UIMC1: variants seen among roughly 807,000 people sequenced by gnomAD.
UIMC1 encodes the protein ubiquitin interaction motif containing 1, also known as BRCA1-A complex subunit RAP80.
Under a neutral mutation model 84.9 loss-of-function variants are expected in UIMC1, and 42 were observed. The observed-to-expected ratio is 0.49, with a 90% CI of 0.39 to 0.64. The LOEUF is 0.64. Ranked by LOEUF, UIMC1 falls within the 30% of genes least tolerant of loss-of-function variation. UIMC1 has a pLI of 0.00. For synonymous variants in UIMC1, 281 were observed against 293.0 expected (o/e 0.96, Z 0.42); for missense variants, 825 against 847.6 (o/e 0.97, Z 0.33).
intron 10 of UIMC1, among the ~76,000 whole-genome samples, chr5:176,914,054 T>TACCAC (rs1760648285): frequency 7.4e-6 from 1 of 134,808 alleles, no homozygotes; most frequent in South Asian, 2.5e-4. Flanking sequence ...TACCATACCA[T>TACCAC]ACCATACCAT....
intron 6 of UIMC1, among the ~76,000 whole-genome samples, chr5:176,966,302 G>C (rs1581569099): frequency 6.6e-6 from 1 of 152,218 alleles, no homozygotes; most frequent in East Asian, 1.9e-4. Flanking sequence ...GATAGGAATT[G>C]TTATTCCCAC....
chr5:176,958,855 T>C (rs1317825932), intron 6 of UIMC1, among the ~76,000 whole-genome samples: 2 of 152,242 alleles, frequency 1.3e-5, no homozygotes, highest in Admixed American at 1.3e-4. Flanking sequence ...ACCAACTCAT[T>C]AAACATACAT....
chr5:176,982,156 T>G (rs1771159235), intron 2 of UIMC1, among the ~76,000 whole-genome samples: 1 of 152,182 alleles, frequency 6.6e-6, no homozygotes, highest in African/African-American at 2.4e-5. Context: ...TTCACGTGTT[T>G]TTCCTCTCAC....
chr5:176,966,462 A>G (rs533450570), intron 6 of UIMC1, among the ~76,000 whole-genome samples: 3 of 152,358 alleles, frequency 2.0e-5, no homozygotes, highest in Admixed American at 2.0e-4. Context: ...AACCTTTATC[A>G]TAACACAAGA....
rs189805335 is a variant in UIMC1 at position 177,001,736 on chromosome 5, G to A, written c.-9+4914C>T. 7.9e-3 allele frequency among the ~76,000 whole-genome samples: 1,183 copies of A among 149,922 alleles called. 58 individuals carry two copies. Among genetic ancestry groups the A allele is most frequent in the Admixed American group, 0.072 (1,089 of 15,026 alleles). On this transcript the variant is annotated intron_variant, in intron 1 of 14. Transcript: ENST00000511320. The stretch of plus-strand genomic sequence containing the variant: ...GGGCGGATCACAAGGTCAGGAGATC[G>A]AGACCATCCTGGCTAACACAGTGAA...
At chr5:176,953,857 A>G (rs1466588618) in intron 8 of UIMC1, among the ~76,000 whole-genome samples, 1 of 152,172 alleles carries the variant, frequency 6.6e-6, no homozygotes, top group Non-Finnish European at 1.5e-5. Context: ...ATATGAAACA[A>G]AAGTAAACAG....
At chr5:176,965,999 C>G (rs1768235951) in intron 6 of UIMC1, among the ~76,000 whole-genome samples, 1 of 152,206 alleles carries the variant, frequency 6.6e-6, no homozygotes, top group Non-Finnish European at 1.5e-5. Flanking sequence ...TGTAACTTTC[C>G]TTTGGAAAAG....
rs754142916 is a variant in UIMC1, at chr5:176,911,381, G to A, written c.1606C>T (p.Arg536Trp). The change falls in exon 11 of 15, where the codon CGG becomes TGG. Residue 536 changes from arginine to tryptophan, a missense_variant. Transcript: ENST00000511320. Reference protein sequence around the residue: ...GLMEEDTVLTRRQKEAKTKSD... With the variant: ...GLMEEDTVLTWRQKEAKTKSD... The stretch of plus-strand genomic sequence containing the variant: ...TTGGTCTTGGCCTCTTTTTGTCTCC[G>A]AGTCAATACTTTTAATATAAAAAAT... The A allele has an allele frequency of 2.3e-5, 36 of 1,583,554 alleles. No individual in the cohort carries two copies. The African/African-American group carries it at 3.7e-4, about 16-fold the overall frequency.
chr5:176,957,391 G>A (rs1234629347), intron 7 of UIMC1, among the ~76,000 whole-genome samples: 1 of 152,062 alleles, frequency 6.6e-6, no homozygotes, highest in Non-Finnish European at 1.5e-5. Context: ...GAAAGTAACT[G>A]GAAGCATGAT....
intron 1 of UIMC1, among the ~76,000 whole-genome samples, chr5:177,001,786 A>C (rs1774509735): frequency 6.6e-6 from 1 of 151,502 alleles, no homozygotes; most frequent in Non-Finnish European, 1.5e-5. Context: ...AAAAAAAAAA[A>C]AAAAATACAA....
upstream of UIMC1, among the ~76,000 whole-genome samples, chr5:177,007,965 C>T (rs541573963): frequency 2.5e-4 from 38 of 152,010 alleles, no homozygotes; most frequent in African/African-American, 9.2e-4. Context: ...ATTAGCTTGG[C>T]GTGGTGGTAC....
intron 10 of UIMC1, among the ~76,000 whole-genome samples, chr5:176,939,256 C>CAAAAAAAAA (rs61615337): frequency 1.4e-5 from 1 of 71,882 alleles, no homozygotes. Context: ...GATCCTGTCT[C>CAAAAAAAAA]AAAAAAAAAA....
intron 1 of UIMC1, among the ~76,000 whole-genome samples, chr5:176,986,854 T>TA (rs1772100817): frequency 6.6e-6 from 1 of 152,074 alleles, no homozygotes; most frequent in Non-Finnish European, 1.5e-5. Flanking sequence ...ATACTCAACT[T>TA]AGAAGTAAAA....
At chr5:176,918,597 T>C (rs1345697550) in intron 10 of UIMC1, among the ~76,000 whole-genome samples, 1 of 152,196 alleles carries the variant, frequency 6.6e-6, no homozygotes, top group Non-Finnish European at 1.5e-5. Flanking sequence ...ATTTCAGGTG[T>C]CCATTCTCTG....
At chr5:177,009,191 G>A (rs754722798), upstream of UIMC1, among the ~76,000 whole-genome samples, 1 of 151,306 alleles carries the variant, frequency 6.6e-6, no homozygotes, top group African/African-American at 2.4e-5. The surrounding 1 kb of genome is among the most constrained non-coding windows in gnomAD (Gnocchi z 4.3). Flanking sequence ...TTGTTTTTTT[G>A]TGGAGACGGA....
chr5:176,985,472 AC>A (rs1249156510), intron 1 of UIMC1, among the ~76,000 whole-genome samples: 9 of 151,216 alleles, frequency 6.0e-5, no homozygotes, highest in Admixed American at 1.3e-4. Flanking sequence ...AAAAAAAAAA[AC>A]AACTATATAA....
At chr5:177,004,975 C>T (rs756165551) in intron 1 of UIMC1, among the ~76,000 whole-genome samples, 1 of 152,134 alleles carries the variant, frequency 6.6e-6, no homozygotes, top group Non-Finnish European at 1.5e-5. Flanking sequence ...CAATCAGCCT[C>T]GACCTGGTCC....
Position 176,969,275 on chromosome 5 carries a change from T to G in UIMC1, c.480A>C (p.Val160=). The stretch of plus-strand genomic sequence containing the variant: ...GTGAGCCTTTAAACAGTGATGGAGG[T>G]ACCAGCTGCCATATGCCTGTAGGTA... ...SGLTEGIWQL[V]PPSLFKGSHI... Residue 160 remains valine, a synonymous_variant, in exon 6 of 15, where the codon GTA becomes GTC. Transcript: ENST00000511320. 1 of 1,612,742 alleles carries G rather than the reference T, an allele frequency of 6.2e-7. No individual in the cohort carries two copies. Among genetic ancestry groups the G allele is most frequent in the Non-Finnish European group, 8.5e-7 (1 of 1,179,420 alleles).
chr5:176,970,726 A>G lies in UIMC1; in HGVS notation c.357+16T>C. 6.2e-7 allele frequency: 1 copy of G among 1,613,996 alleles called. No individual in the cohort carries two copies. The highest frequency in any genetic ancestry group is 8.5e-7 in the Non-Finnish European group (1 of 1,180,014). On this transcript the variant is annotated intron_variant, in intron 4 of 14. Transcript: ENST00000511320. ...CTGATCAATCTCCACAAACTTTTGC[A>G]ACATGGCATATTTACATTCAGGCTT...
Sources: gnomAD v4.1 joint callset for allele counts (sites outside exome capture counted in the v4.1 genomes callset) on GRCh38, gnomAD v4.1.1 for gene constraint, Gnocchi (gnomAD v3.1) non-coding constraint, MANE v1.5 for transcripts, NCBI Gene and HGNC (gene_info 2026-07-23, HGNC 2026-07-21) for gene names.